CPD: variants seen among roughly 807,000 people sequenced by gnomAD.
CPD encodes the protein carboxypeptidase D.
Under a neutral mutation model 138.3 loss-of-function variants are expected in CPD, and 69 were observed. The observed-to-expected ratio is 0.50, with a 90% CI of 0.41 to 0.61. The LOEUF (loss-of-function observed/expected upper bound fraction) is 0.61. Among genes scored for constraint, CPD ranks in the 20% least tolerant of loss-of-function variants. The pLI is 0.00. For missense variants in CPD, 1,432 were observed against 1,733.3 expected (o/e 0.83, Z 3.09); for synonymous variants, 651 against 642.1 (o/e 1.01, Z -0.21).
Position 30,421,664 on chromosome 17 carries a change from G to A in CPD, c.1138G>A (p.Val380Ile). Reference sequence around the variant, plus strand: ...TGAGCTTGGATTCTTGTCTTCTTAGGTTCACATTGGAGTGAAAGGATTTGT... The same window carrying A: ...TGAGCTTGGATTCTTGTCTTCTTAGATTCACATTGGAGTGAAAGGATTTGT... ...RESLITLIEKVHIGVKGFVKD... is the reference protein window; with the variant it reads ...RESLITLIEKIHIGVKGFVKD... Residue 380 changes from valine (V) to isoleucine (I), a missense_variant and splice_region_variant, in exon 4 of 21, where the codon GTT (valine) becomes ATT (isoleucine). Val to Ile is a conservative substitution (Grantham distance 29). Coordinates refer to ENST00000225719, the MANE Select transcript of CPD (RefSeq NM_001304.5). 4 of 1,613,268 alleles carry A rather than the reference G, an allele frequency of 2.5e-6. No homozygotes were observed. The highest frequency in any genetic ancestry group is 3.4e-6 in the Non-Finnish European group (4 of 1,179,578).
chr17:30,423,973 C>A (rs1032495473), intron 6 of CPD, among the ~76,000 whole-genome samples: 1 of 151,980 alleles, frequency 6.6e-6, no homozygotes, highest in Non-Finnish European at 1.5e-5. Context: ...TTTATTTTAG[C>A]AATAGTTCTG....
At position 30,445,755 on chromosome 17, in the gene CPD, C is replaced by G; in HGVS notation, c.2608C>G (p.Leu870Val). 4.3e-6 allele frequency: 7 copies of G among 1,613,808 alleles called. No homozygotes were observed. Among genetic ancestry groups the G allele is most frequent in the Non-Finnish European group, 5.1e-6 (6 of 1,179,920 alleles). The change falls in exon 12 of 21, where the codon CTT becomes GTT. Residue 870 changes from leucine to valine, a missense_variant. Transcript: ENST00000225719. Reference protein sequence around the residue: ...SEGAIQVNFTLVRSSTDSNNE... With the variant: ...SEGAIQVNFTVVRSSTDSNNE... ...AGGCGCTATTCAGGTCAACTTCACA[C>G]TTGTTCGATCCTCAACAGATTCAAA...
intron 2 of CPD, among the ~76,000 whole-genome samples, chr17:30,406,510 A>G (rs1200017836): frequency 6.6e-6 from 1 of 152,138 alleles, no homozygotes; most frequent in Non-Finnish European, 1.5e-5. Flanking sequence ...TTATGGTCCA[A>G]TTAAAGTTAC....
At chr17:30,449,196 TAAA>T (rs1913103471) in intron 12 of CPD, among the ~76,000 whole-genome samples, 4 of 152,228 alleles carry the variant, frequency 2.6e-5, no homozygotes, top group Non-Finnish European at 4.4e-5. Context: ...ATTTCTGTAA[TAAA>T]AATTTAATTT....
intron 6 of CPD, 89 bp from the exon 7 acceptor site, chr17:30,427,302 C>T (rs558847899): frequency 8.4e-7 from 1 of 1,189,610 alleles, no homozygotes; most frequent in African/African-American, 1.5e-5. Context: ...TTCACATTTG[C>T]CTTGAGTTAA....
chr17:30,385,627 G>A (rs1336928567), intron 2 of CPD, among the ~76,000 whole-genome samples: 1 of 151,952 alleles, frequency 6.6e-6, no homozygotes, highest in Non-Finnish European at 1.5e-5. Flanking sequence ...CCCAAGTACA[G>A]GGACATTTTC....
Position 30,379,753 on chromosome 17 carries a change from C to T in CPD, c.746+27C>T, listed in dbSNP as rs1910993576. 1 of 1,407,552 alleles carries T rather than the reference C, an allele frequency of 7.1e-7. No homozygotes were observed. The allele number at this position is 1,407,552 out of a possible 1,614,324, so 87.2% of individuals were successfully genotyped here. A position where few individuals can be genotyped will look rare whatever the true frequency, so the allele number is the denominator to read the frequency against. On this transcript the variant is annotated intron_variant, in intron 1 of 20. Transcript: ENST00000225719. This position sits in a 1 kb window ranked among gnomAD's most constrained non-coding sequence, Gnocchi z 7.0. ...TGAGTGTTGCCTGCCCCCTCCCCGT[C>T]CGTGTGAGCCTCCAAGGGCCGAGGC...
At chr17:30,435,118 C>G (rs768022828) in intron 8 of CPD, among the ~76,000 whole-genome samples, 8 of 151,462 alleles carry the variant, frequency 5.3e-5, no homozygotes, top group Non-Finnish European at 7.4e-5. Flanking sequence ...AAACAGAGGC[C>G]AGGAAACAAA....
intron 2 of CPD, among the ~76,000 whole-genome samples, chr17:30,396,323 G>A (rs1004840310): frequency 6.6e-6 from 1 of 151,982 alleles, no homozygotes; most frequent in Non-Finnish European, 1.5e-5. Flanking sequence ...AAGATTAATA[G>A]GGTTCTTGTG....
At chr17:30,404,751 T>A (rs1911763322) in intron 2 of CPD, among the ~76,000 whole-genome samples, 2 of 152,166 alleles carry the variant, frequency 1.3e-5, no homozygotes, top group South Asian at 4.1e-4. Flanking sequence ...CATCTTTCAT[T>A]TTCTTTAAAA....
chr17:30,453,146 A>G (rs1195486642), intron 14 of CPD, among the ~76,000 whole-genome samples: 2 of 152,146 alleles, frequency 1.3e-5, no homozygotes, highest in Non-Finnish European at 2.9e-5. Context: ...AAAACCAATC[A>G]TGCCTTCCCA....
At position 30,416,130 on chromosome 17, in the gene CPD, C is replaced by T. The variant is rs190803622; in HGVS notation, c.995-4711C>T. 1.9e-4 allele frequency among the ~76,000 whole-genome samples: 29 copies of T among 152,046 alleles called. No homozygotes were observed. The East Asian group carries it at 2.9e-3, about 15-fold the overall frequency. ...GGCGGATCACCTGAGGTCAGGAGTTCGAGACCAGCCTCAACATGGGGAAAC... is the reference window on the plus strand; with the variant it reads ...GGCGGATCACCTGAGGTCAGGAGTTTGAGACCAGCCTCAACATGGGGAAAC... On this transcript the variant is annotated intron_variant, in intron 2 of 20. Coordinates refer to ENST00000225719, the MANE Select transcript of CPD (RefSeq NM_001304.5).
chr17:30,379,069 G>A lies in CPD; in HGVS notation c.89G>A (p.Arg30Gln), dbSNP rs866561541. The A allele has an allele frequency of 1.3e-6, 2 of 1,561,062 alleles. No individual in the cohort carries two copies. Among genetic ancestry groups the A allele is most frequent in the Admixed American group, 3.6e-5 (2 of 55,380 alleles). ...CTGCTGCTGCTGGGGAGCTCGGCCC[G>A]GGCGGCTCACATCAAGAAGGCGGAG... ...MCLLLLGSSA[R>Q]AAHIKKAEAT... Residue 30 changes from arginine (R) to glutamine (Q), a missense_variant, in exon 1 of 21, where the codon CGG becomes CAG. Physicochemically the swap from Arg to Gln is conservative, Grantham distance 43. Coordinates refer to ENST00000225719, the MANE Select transcript of CPD (RefSeq NM_001304.5). This position sits in a 1 kb window ranked among gnomAD's most constrained non-coding sequence, Gnocchi z 7.0.
intron 2 of CPD, among the ~76,000 whole-genome samples, chr17:30,399,765 G>A (rs1374966411): frequency 1.3e-5 from 2 of 152,130 alleles, no homozygotes; most frequent in African/African-American, 4.8e-5. Flanking sequence ...TGAGGCAGGT[G>A]GATCACTTGA....
intron 6 of CPD, among the ~76,000 whole-genome samples, chr17:30,424,884 C>A (rs1912362112): frequency 6.6e-6 from 1 of 152,170 alleles, no homozygotes; most frequent in Non-Finnish European, 1.5e-5. Flanking sequence ...CTGACCTGAC[C>A]ATTGGGAGGA....
Position 30,421,666 on chromosome 17 carries a change from T to A in CPD, c.1140T>A (p.Val380=). The change falls in exon 4 of 21, where the codon GTT becomes GTA. Residue 380 remains valine, a splice_region_variant and synonymous_variant. Coordinates refer to ENST00000225719, the MANE Select transcript of CPD (RefSeq NM_001304.5). The stretch of plus-strand genomic sequence containing the variant: ...AGCTTGGATTCTTGTCTTCTTAGGT[T>A]CACATTGGAGTGAAAGGATTTGTTA... The part of the protein sequence containing the change: ...RESLITLIEK[V]HIGVKGFVKD... 14 of 1,613,490 alleles carry A rather than the reference T, an allele frequency of 8.7e-6. No individual in the cohort carries two copies. The highest frequency in any genetic ancestry group is 1.1e-5 in the Non-Finnish European group (13 of 1,179,670).
intron 2 of CPD, among the ~76,000 whole-genome samples, chr17:30,416,906 G>C (rs1430763398): frequency 2.6e-5 from 4 of 152,076 alleles, no homozygotes; most frequent in Non-Finnish European, 4.4e-5. Flanking sequence ...ATGGAGACCA[G>C]CCTGGCCAAC....
chr17:30,394,015 G>A (rs951248732), intron 2 of CPD, among the ~76,000 whole-genome samples: 4 of 151,142 alleles, frequency 2.6e-5, no homozygotes, highest in African/African-American at 9.7e-5. Context: ...CACCCCTGTA[G>A]TCCCAGCTAC....
At chr17:30,455,531 G>A in intron 15 of CPD, 61 bp downstream of exon 15, 3 of 1,544,210 alleles carry the variant, frequency 1.9e-6, no homozygotes, top group Admixed American at 2.1e-5. Flanking sequence ...TCCCAATTAA[G>A]TAATGTCCCT....
Sources: allele counts gnomAD v4.1 joint callset (sites outside exome capture counted in the v4.1 genomes callset), GRCh38; gene constraint gnomAD v4.1.1; non-coding constraint Gnocchi (gnomAD v3.1); transcripts MANE v1.5; gene names NCBI Gene and HGNC (gene_info 2026-07-23, HGNC 2026-07-21).